MTMR7: variants seen among roughly 807,000 people sequenced by gnomAD.
MTMR7 encodes myotubularin related protein 7.
In MTMR7, 76 loss-of-function variants were observed where a neutral mutation model predicts 81.2. The observed-to-expected ratio is 0.94, with a 90% confidence interval of 0.78 to 1.13. MTMR7 has a LOEUF of 1.13. Ranked by LOEUF, MTMR7 falls within the 50% of genes most tolerant of loss-of-function variation. The pLI is 0.00. For synonymous variants in MTMR7, 372 were observed against 289.8 expected (o/e 1.28, Z -2.88); for missense variants, 1,044 against 820.0 (o/e 1.27, Z -3.34).
At chr8:17,351,928 T>G (rs574692758) in intron 4 of MTMR7, among the ~76,000 whole-genome samples, 2 of 152,292 alleles carry the variant, frequency 1.3e-5, no homozygotes, top group Admixed American at 6.5e-5. Context: ...CTTGAAAATA[T>G]AAAACACCAC....
At chr8:17,341,858 C>T (rs574055482) in intron 5 of MTMR7, among the ~76,000 whole-genome samples, 2 of 151,874 alleles carry the variant, frequency 1.3e-5, no homozygotes, top group African/African-American at 2.4e-5. Flanking sequence ...TTCTCAAATG[C>T]ATAGGATACG....
At chr8:17,411,624 T>A (rs1387590099) in intron 1 of MTMR7, among the ~76,000 whole-genome samples, 1 of 152,178 alleles carries the variant, frequency 6.6e-6, no homozygotes, top group East Asian at 1.9e-4. Flanking sequence ...TTCAGACAAT[T>A]TTCCATTTTC....
chr8:17,334,868 G>C (rs1260954724), intron 6 of MTMR7, among the ~76,000 whole-genome samples: 3 of 152,198 alleles, frequency 2.0e-5, no homozygotes, highest in Non-Finnish European at 4.4e-5. Context: ...AAGAGAGAAA[G>C]CTAGAGCTGG....
chr8:17,304,250 C>T, intron 12 of MTMR7, 129 bp downstream of exon 12: 1 of 978,990 alleles, frequency 1.0e-6, no homozygotes, highest in Non-Finnish European at 1.4e-6. Context: ...TCAAGCATCT[C>T]CCTCTGGTGT....
At chr8:17,334,678 T>C (rs1263159993) in intron 6 of MTMR7, among the ~76,000 whole-genome samples, 1 of 152,232 alleles carries the variant, frequency 6.6e-6, no homozygotes, top group African/African-American at 2.4e-5. Context: ...AAAGAAGCTG[T>C]TCCTGTTGCC....
chr8:17,347,559 C>T (rs1026204667), intron 5 of MTMR7, among the ~76,000 whole-genome samples: 2 of 152,180 alleles, frequency 1.3e-5, no homozygotes, highest in African/African-American at 4.8e-5. Context: ...TATAGCCTCA[C>T]TCGGCTTTGA....
intron 1 of MTMR7, among the ~76,000 whole-genome samples, chr8:17,410,308 A>T (rs1435078218): frequency 6.6e-6 from 1 of 152,212 alleles, no homozygotes; most frequent in South Asian, 2.1e-4. Flanking sequence ...AAAGCATATA[A>T]AGTAGAAATC....
chr8:17,302,135 CAAAG>C lies in MTMR7; in HGVS notation c.1620+15_1620+18del. The C allele has an allele frequency of 6.2e-7, 1 of 1,613,812 alleles. No individual in the cohort carries two copies. Among genetic ancestry groups the C allele is most frequent in the Non-Finnish European group, 8.5e-7 (1 of 1,179,874 alleles). ...GAAATAAGCACAGAAAATAGATTAA[CAAAG>C]CAAGTATGTCTTACTTCTTCCAGGG... On this transcript the variant is annotated intron_variant, in intron 13 of 13. Transcript: ENST00000180173.
At position 17,413,312 on chromosome 8, in the gene MTMR7, G is replaced by T; in HGVS notation, c.-20C>A. 3.9e-6 allele frequency: 6 copies of T among 1,531,246 alleles called. No homozygotes were observed. Among genetic ancestry groups the T allele is most frequent in the Non-Finnish European group, 5.3e-6 (6 of 1,137,746 alleles). 94.9% of individuals were successfully genotyped at this position (1,531,246 alleles called of 1,614,324 possible). On this transcript the variant is annotated 5_prime_UTR_variant, in exon 1 of 14. Transcript: ENST00000180173. ...CTCCATGGCTGGCCCACGTCTGCAG[G>T]GTCCCGGGCGGGCGCGGCCTCACGC...
chr8:17,359,782 G>C (rs145625529), intron 4 of MTMR7, among the ~76,000 whole-genome samples: 2 of 152,010 alleles, frequency 1.3e-5, no homozygotes, highest in Non-Finnish European at 2.9e-5. Flanking sequence ...ATACCATCAA[G>C]GTATCAAAAG....
At chr8:17,363,550 G>A (rs1449872309) in intron 3 of MTMR7, among the ~76,000 whole-genome samples, 3 of 152,176 alleles carry the variant, frequency 2.0e-5, no homozygotes, top group Admixed American at 2.0e-4. Flanking sequence ...GCAGATCACT[G>A]TTGAACTAGG....
chr8:17,343,294 G>C (rs2239881), intron 5 of MTMR7, among the ~76,000 whole-genome samples: 10,423 of 152,108 alleles, frequency 0.069, 723 homozygotes, highest in East Asian at 0.32. Flanking sequence ...GGTGGGCATG[G>C]TGGTACACAC....
chr8:17,388,758 C>A (rs1428364887), intron 1 of MTMR7, among the ~76,000 whole-genome samples: 1 of 152,142 alleles, frequency 6.6e-6, no homozygotes, highest in African/African-American at 2.4e-5. Context: ...GTCTCATGCT[C>A]TCCCTCCCAC....
chr8:17,400,439 G>A (rs1015927517), intron 1 of MTMR7, among the ~76,000 whole-genome samples: 8 of 152,116 alleles, frequency 5.3e-5, no homozygotes, highest in South Asian at 2.1e-4. Flanking sequence ...ACCATTTTGC[G>A]TTTTGATGTT....
chr8:17,390,308 G>C (rs554994450), intron 1 of MTMR7, among the ~76,000 whole-genome samples: 5 of 151,714 alleles, frequency 3.3e-5, no homozygotes. Context: ...GAACAAGAAA[G>C]AGTGAGGGAG....
chr8:17,340,221 G>A (rs1038329100), intron 6 of MTMR7, among the ~76,000 whole-genome samples: 4 of 152,226 alleles, frequency 2.6e-5, no homozygotes, highest in African/African-American at 9.6e-5. Context: ...CCAAAGTGCT[G>A]GGATTACAGG....
chr8:17,356,663 G>A (rs1250781650), intron 4 of MTMR7, among the ~76,000 whole-genome samples: 1 of 152,098 alleles, frequency 6.6e-6, no homozygotes, highest in Non-Finnish European at 1.5e-5. Flanking sequence ...ACAGTGAGCT[G>A]AGATCGCCCC....
At chr8:17,340,927 C>A (rs139383568) in intron 6 of MTMR7, among the ~76,000 whole-genome samples, 3 of 152,100 alleles carry the variant, frequency 2.0e-5, no homozygotes, top group African/African-American at 7.2e-5. Flanking sequence ...CTTTCCAAGT[C>A]ATAGGTATAG....
chr8:17,383,051 G>A (rs1050558876), intron 1 of MTMR7, among the ~76,000 whole-genome samples: 2 of 151,758 alleles, frequency 1.3e-5, no homozygotes, highest in African/African-American at 4.8e-5. Context: ...CCCAGGGCCT[G>A]TTGGCAGCTC....
Sources: gnomAD v4.1 joint callset for allele counts (sites outside exome capture counted in the v4.1 genomes callset) on GRCh38, gnomAD v4.1.1 for gene constraint, MANE v1.5 for transcripts, NCBI Gene and HGNC (gene_info 2026-07-23, HGNC 2026-07-21) for gene names.